The following FRAS1 variants were observed in gnomAD, a reference collection of about 807,000 sequenced individuals.
The protein encoded by FRAS1 is Fraser extracellular matrix complex subunit 1.
In FRAS1, 290 loss-of-function variants were observed where a neutral mutation model predicts 435.2. The ratio of observed to expected loss-of-function variants is 0.67; its 90% CI spans 0.61 to 0.73. FRAS1 has a LOEUF of 0.73. Among genes scored for constraint, FRAS1 ranks in the 30% least tolerant of loss-of-function variants. The pLI is 0.00. For missense variants in FRAS1, 4,860 were observed against 5,001.5 expected, an observed-to-expected ratio of 0.97 and a Z score of 0.85; for synonymous variants, 1,800 against 1,851.0, an observed-to-expected ratio of 0.97 and a Z score of 0.71.
At chr4:78,249,064 C>CATATATATATATATGCATATATAT (rs1553934032) in intron 4 of FRAS1, among the ~76,000 whole-genome samples, 5 of 16,634 alleles carry the variant, frequency 3.0e-4, no homozygotes, top group East Asian at 3.3e-3. Context: ...TATATATATG[C>CATATATATATATATGCATATATAT]ATATATATAT....
At chr4:78,345,864 T>TA (rs5859617) in intron 20 of FRAS1, among the ~76,000 whole-genome samples, 33 of 148,824 alleles carry the variant, frequency 2.2e-4, no homozygotes, top group East Asian at 7.9e-4. Flanking sequence ...CTTCCTAAAT[T>TA]AAAAAAAAAA....
At chr4:78,294,682 A>G (rs1728066102) in intron 14 of FRAS1, among the ~76,000 whole-genome samples, 1 of 152,192 alleles carries the variant, frequency 6.6e-6, no homozygotes, top group Non-Finnish European at 1.5e-5. Context: ...AAATTCAAAT[A>G]TATTACTCAA....
intron 9 of FRAS1, among the ~76,000 whole-genome samples, chr4:78,267,746 C>T (rs1160859524): frequency 6.6e-6 from 1 of 152,236 alleles, no homozygotes; most frequent in Non-Finnish European, 1.5e-5. Flanking sequence ...AGCTGGATCT[C>T]ATTGCTGATG....
chr4:78,057,906 A>T lies in FRAS1; in HGVS notation c.-104A>T. ...CGGAGGTAAAGGCCCGCGGTCCCCC[A>T]CCTTCAGTGCGCCCGGGTTCCAAGC... On this transcript the variant is annotated 5_prime_UTR_variant, in exon 1 of 74. Transcript: ENST00000512123. This position sits in a 1 kb window ranked among gnomAD's most constrained non-coding sequence, Gnocchi z 4.2. 5 of 1,046,360 alleles carry T rather than the reference A, an allele frequency of 4.8e-6. No individual in the cohort carries two copies. In the East Asian group the frequency reaches 1.2e-4, roughly 25 times the overall value. The allele number at this position is 1,046,360 out of a possible 1,614,324, so 64.8% of individuals were successfully genotyped here.
At chr4:78,391,995 G>A (rs1190067357) in intron 29 of FRAS1, among the ~76,000 whole-genome samples, 1 of 152,112 alleles carries the variant, frequency 6.6e-6, no homozygotes, top group African/African-American at 2.4e-5. Flanking sequence ...CTTTTGGGGG[G>A]GTTTGATTAG....
At chr4:78,283,469 A>T (rs1301340343) in intron 12 of FRAS1, among the ~76,000 whole-genome samples, 1 of 152,234 alleles carries the variant, frequency 6.6e-6, no homozygotes, top group Non-Finnish European at 1.5e-5. Flanking sequence ...CTTGTTCTGC[A>T]ATTCTGCTTT....
At chr4:78,248,339 C>G (rs1263486701) in intron 4 of FRAS1, among the ~76,000 whole-genome samples, 1 of 152,100 alleles carries the variant, frequency 6.6e-6, no homozygotes, top group Non-Finnish European at 1.5e-5. Context: ...ACTTTTTTTT[C>G]TGTGCTTTCC....
Position 78,375,749 on chromosome 4 carries a change from G to T in FRAS1, c.3162G>T (p.Gln1054His). The T allele has an allele frequency of 6.3e-7, 1 of 1,598,798 alleles. No individual in the cohort carries two copies. Among genetic ancestry groups the T allele is most frequent in the Non-Finnish European group, 8.5e-7 (1 of 1,172,128 alleles). Residue 1054 changes from glutamine to histidine, a missense_variant, in exon 26 of 74, where the codon CAG becomes CAT. Transcript: ENST00000512123. ...TTCCTTTTTTAATAGCCTGCCCTCA[G>T]GGGTGCTTGCAGTGCAGCCACAGGG... is the stretch of plus-strand genomic sequence containing the variant. ...HAKHKCTACP[Q>H]GCLQCSHRDR...
At chr4:78,366,115 G>T (rs1036394700) in intron 22 of FRAS1, among the ~76,000 whole-genome samples, 2 of 152,196 alleles carry the variant, frequency 1.3e-5, no homozygotes, top group African/African-American at 4.8e-5. Flanking sequence ...ATTATTGAAG[G>T]AAGTAAGGAC....
intron 26 of FRAS1, among the ~76,000 whole-genome samples, chr4:78,376,305 A>G (rs1731757966): frequency 6.6e-6 from 1 of 152,192 alleles, no homozygotes; most frequent in African/African-American, 2.4e-5. Context: ...GGTATAGCCT[A>G]CTACACACCA....
chr4:78,337,968 C>T (rs1034710608), intron 20 of FRAS1, 151 bp downstream of exon 20: 4 of 687,718 alleles, frequency 5.8e-6, no homozygotes, highest in South Asian at 1.8e-5. Context: ...TACTGCTTCT[C>T]CTTGGGCATT....
At chr4:78,338,765 C>T (rs974754637) in intron 20 of FRAS1, among the ~76,000 whole-genome samples, 24 of 152,144 alleles carry the variant, frequency 1.6e-4, no homozygotes, top group Admixed American at 1.4e-3. Flanking sequence ...TCTGGGATGG[C>T]GCTGACATCT....
At position 78,286,400 on chromosome 4, in the gene FRAS1, GT is replaced by G. The variant is rs754350941; in HGVS notation, c.1400-4del. 4 of 1,613,368 alleles carry G rather than the reference GT, an allele frequency of 2.5e-6. No homozygotes were observed. The highest frequency in any genetic ancestry group is 3.4e-6 in the Non-Finnish European group (4 of 1,179,882). ...TTCTCTTTCTTCAACATTATCTGGAGTCAGCCTGCCAGCCCCAGTGCTCCAC... is the reference window on the plus strand; with the variant it reads ...TTCTCTTTCTTCAACATTATCTGGAGCAGCCTGCCAGCCCCAGTGCTCCAC... On this transcript the variant is annotated splice_region_variant and splice_polypyrimidine_tract_variant and intron_variant, in intron 13 of 73. Transcript: ENST00000512123.
chr4:78,438,549 G>A, intron 38 of FRAS1, 21 bp from the exon 39 acceptor site: 2 of 1,613,428 alleles, frequency 1.2e-6, no homozygotes, highest in Non-Finnish European at 1.7e-6. Flanking sequence ...TTCATGTCCT[G>A]CCTCATGTTT....
At chr4:78,300,081 A>G (rs988251144) in intron 14 of FRAS1, among the ~76,000 whole-genome samples, 2 of 152,216 alleles carry the variant, frequency 1.3e-5, no homozygotes, top group African/African-American at 2.4e-5. Context: ...AGGCAAAGGC[A>G]TGAACAGTCG....
rs1719826004 is a variant in FRAS1 at position 78,475,451 on chromosome 4, G to A, written c.7696G>A (p.Glu2566Lys). The change falls in exon 54 of 74, where the codon GAG becomes AAG. Residue 2566 changes from glutamate to lysine, a missense_variant. Physicochemically the swap from Glu to Lys is moderately conservative, Grantham distance 56. Transcript: ENST00000512123. ...SFKYTSYNVS[E>K]KAGSVSVTVQ... ...GTGTGCTTCCAGCTACAATGTCAGTGAGAAGGCAGGGTCTGTCAGTGTCAC... is the reference window on the plus strand; with the variant it reads ...GTGTGCTTCCAGCTACAATGTCAGTAAGAAGGCAGGGTCTGTCAGTGTCAC... 1.2e-6 allele frequency: 2 copies of A among 1,613,808 alleles called. No individual in the cohort carries two copies. Among genetic ancestry groups the A allele is most frequent in the Admixed American group, 3.3e-5 (2 of 60,000 alleles).
chr4:78,195,767 CT>C (rs1204524092), intron 2 of FRAS1, among the ~76,000 whole-genome samples: 1 of 152,100 alleles, frequency 6.6e-6, no homozygotes, highest in East Asian at 1.9e-4. Flanking sequence ...ACTCAGTGCG[CT>C]GCACCCACTG....
At chr4:78,364,293 A>G (rs55647628) in intron 22 of FRAS1, among the ~76,000 whole-genome samples, 25,432 of 152,192 alleles carry the variant, frequency 0.17, 2,734 homozygotes, top group East Asian at 0.34. Flanking sequence ...TGCCAGCTGT[A>G]TGATCTTGGG....
chr4:78,168,611 G>C (rs957463672), intron 2 of FRAS1, among the ~76,000 whole-genome samples: 2 of 151,706 alleles, frequency 1.3e-5, no homozygotes, highest in Non-Finnish European at 2.9e-5. Context: ...GATCCTTTGA[G>C]GCTTATACCA....
Sources: gnomAD v4.1 joint callset for allele counts (sites outside exome capture counted in the v4.1 genomes callset) on GRCh38, gnomAD v4.1.1 for gene constraint, Gnocchi (gnomAD v3.1) non-coding constraint, MANE v1.5 for transcripts, NCBI Gene and HGNC (gene_info 2026-07-23, HGNC 2026-07-21) for gene names.